PDPN: variants seen among roughly 807,000 people sequenced by gnomAD.
PDPN encodes podoplanin.
Under a neutral mutation model 23.2 loss-of-function variants are expected in PDPN, and 12 were observed. The observed-to-expected ratio is 0.52, with a 90% CI of 0.33 to 0.84. The LOEUF (loss-of-function observed/expected upper bound fraction) is 0.84, where lower values mean the gene tolerates loss of function less well. PDPN is among the 40% of genes least tolerant of loss of function. PDPN has a pLI of 0.02. For missense variants in PDPN, 199 were observed against 212.2 expected (o/e 0.94, Z 0.39); for synonymous variants, 77 against 76.7 (o/e 1.00, Z -0.02).
chr1:13,592,855 G>A (rs1199304570), intron 1 of PDPN, among the ~76,000 whole-genome samples: 1 of 152,086 alleles, frequency 6.6e-6, no homozygotes, highest in Non-Finnish European at 1.5e-5. Flanking sequence ...TGGCCAAAAA[G>A]ATGATTCTTT....
At chr1:13,603,070 GGAGA>G (rs931922850) in intron 1 of PDPN, among the ~76,000 whole-genome samples, 1 of 150,444 alleles carries the variant, frequency 6.6e-6, no homozygotes, top group African/African-American at 2.4e-5. Context: ...TAAATACAAA[GGAGA>G]GAGAGAGAAA....
intron 1 of PDPN, among the ~76,000 whole-genome samples, chr1:13,590,081 G>A (rs1640298759): frequency 6.6e-6 from 1 of 152,204 alleles, no homozygotes; most frequent in Non-Finnish European, 1.5e-5. Context: ...ACCCGCCTCA[G>A]CCCTCCCAAG....
At chr1:13,587,558 G>C (rs1437558930) in intron 1 of PDPN, among the ~76,000 whole-genome samples, 1 of 152,166 alleles carries the variant, frequency 6.6e-6, no homozygotes, top group East Asian at 1.9e-4. Flanking sequence ...ATCAGATGCT[G>C]TAGGGCTTTT....
intron 1 of PDPN, among the ~76,000 whole-genome samples, chr1:13,595,020 A>AG (rs1423032666): frequency 2.0e-5 from 3 of 151,834 alleles, no homozygotes; most frequent in Non-Finnish European, 4.4e-5. Flanking sequence ...AAAGAAAGAA[A>AG]AAAAAAACGA....
At chr1:13,615,135 C>G (rs200968538) in intron 5 of PDPN, among the ~76,000 whole-genome samples, 3 of 152,178 alleles carry the variant, frequency 2.0e-5, no homozygotes, top group Admixed American at 6.5e-5. Context: ...TGAGATCTTC[C>G]GCTCTTGCCC....
chr1:13,611,594 C>T (rs1173361377), intron 3 of PDPN, among the ~76,000 whole-genome samples: 1 of 152,086 alleles, frequency 6.6e-6, no homozygotes, highest in Non-Finnish European at 1.5e-5. Context: ...TGAGGAGTTA[C>T]TGTTTAGTGG....
At chr1:13,595,679 C>A (rs1435403278) in intron 1 of PDPN, 2 of 416,926 alleles carry the variant, frequency 4.8e-6, no homozygotes, top group Admixed American at 5.2e-5. Flanking sequence ...GGTCTCATCT[C>A]GTCATTGGTC....
chr1:13,613,757 A>ACT (rs751410245), intron 4 of PDPN, 32 bp downstream of exon 4: 1 of 1,297,664 alleles, frequency 7.7e-7, no homozygotes, highest in African/African-American at 1.5e-5. Context: ...AAATACTCTT[A>ACT]CTGGGGTTTT....
chr1:13,585,852 A>G (rs774278637), intron 1 of PDPN, among the ~76,000 whole-genome samples: 5 of 152,138 alleles, frequency 3.3e-5, no homozygotes, highest in Admixed American at 6.5e-5. Context: ...GAGCGAAGCT[A>G]TTGTGGGCTT....
rs984218541 is a variant in PDPN at position 13,614,154 on chromosome 1, T to A, written c.371-146T>A. On this transcript the variant is annotated intron_variant, in intron 4 of 5. Coordinates refer to ENST00000621990, the MANE Select transcript of PDPN (RefSeq NM_006474.5). ...ATTAGACTAGCCCAAATTTTCTCCTTTTGGAAGAAATGCTCCATGCTCAAA... is the reference window on the plus strand; with the variant it reads ...ATTAGACTAGCCCAAATTTTCTCCTATTGGAAGAAATGCTCCATGCTCAAA... 5 of 584,518 alleles carry A rather than the reference T, an allele frequency of 8.6e-6. No individual in the cohort carries two copies. In the African/African-American group the frequency reaches 9.4e-5, roughly 11 times the overall value. 36.2% of individuals were successfully genotyped at this position (584,518 alleles called of 1,614,324 possible).
At position 13,594,994 on chromosome 1, in the gene PDPN, C is replaced by CAA. The variant is rs1382399608; in HGVS notation, c.67+10907_67+10908dup. 1.1e-4 allele frequency among the ~76,000 whole-genome samples: 9 copies of CAA among 80,180 alleles called. 1 individual carries two copies. The highest frequency in any genetic ancestry group is 3.4e-4 in the African/African-American group (7 of 20,820). The allele number at this position is 80,180 out of a possible 152,430, so 52.6% of individuals were successfully genotyped here. ...TGGGCGACAGAGCGAGACTCCTTCT[C>CAA]AAAAAAAAAAAAAAGAAAGAAAGAA... On this transcript the variant is annotated intron_variant, in intron 1 of 5. Transcript: ENST00000621990.
chr1:13,584,302 G>A (rs1005193795), intron 1 of PDPN: 4 of 1,515,238 alleles, frequency 2.6e-6, no homozygotes, highest in South Asian at 1.2e-5. Context: ...GCAGCTGCGC[G>A]GGTGTGCCGG....
intron 1 of PDPN, among the ~76,000 whole-genome samples, chr1:13,597,589 G>T (rs897177869): frequency 6.6e-6 from 1 of 152,208 alleles, no homozygotes; most frequent in African/African-American, 2.4e-5. Context: ...TAAATTTTAT[G>T]TAGAGGACTT....
intron 2 of PDPN, among the ~76,000 whole-genome samples, chr1:13,609,034 A>G (rs1490731519): frequency 6.6e-6 from 1 of 152,176 alleles, no homozygotes; most frequent in Non-Finnish European, 1.5e-5. Flanking sequence ...TGGCCCGCCC[A>G]CTGTGTTTGT....
At chr1:13,606,700 A>G (rs1373035005) in intron 1 of PDPN, among the ~76,000 whole-genome samples, 1 of 152,142 alleles carries the variant, frequency 6.6e-6, no homozygotes, top group Non-Finnish European at 1.5e-5. Flanking sequence ...GGTAGAGAAA[A>G]AAATAAAAAA....
intron 2 of PDPN, among the ~76,000 whole-genome samples, chr1:13,607,585 T>C (rs1640823711): frequency 6.6e-6 from 1 of 152,158 alleles, no homozygotes; most frequent in Admixed American, 6.5e-5. Flanking sequence ...AAGTCGCAGT[T>C]TCCAAGAATC....
chr1:13,598,822 C>T lies in PDPN; in HGVS notation c.68-8351C>T, dbSNP rs4661743. Among the ~76,000 whole-genome samples the T allele has an allele frequency of 5.9e-3, 893 of 152,192 alleles. 30 individuals carry two copies. Among genetic ancestry groups the T allele is most frequent in the Admixed American group, 0.037 (569 of 15,268 alleles). On this transcript the variant is annotated intron_variant, in intron 1 of 5. Transcript: ENST00000621990. ...CACTCAACAGCTACTTACCGAGTGC[C>T]TGGTATGTGCCAGGGATTTCAGACA... is the stretch of plus-strand genomic sequence containing the variant.
chr1:13,603,757 T>A (rs1051717038), intron 1 of PDPN, among the ~76,000 whole-genome samples: 2 of 151,934 alleles, frequency 1.3e-5, no homozygotes, highest in African/African-American at 4.8e-5. Flanking sequence ...CCAGGCTAAT[T>A]TTTGTATTTT....
At chr1:13,610,333 T>C (rs1160003364) in intron 2 of PDPN, 54 bp from the exon 3 acceptor site, 1 of 1,532,610 alleles carries the variant, frequency 6.5e-7, no homozygotes, top group Non-Finnish European at 9.0e-7. Flanking sequence ...AGGGGATATA[T>C]TTTAAAGACA....
Sources: allele counts gnomAD v4.1 joint callset (sites outside exome capture counted in the v4.1 genomes callset), GRCh38; gene constraint gnomAD v4.1.1; transcripts MANE v1.5; gene names NCBI Gene and HGNC (gene_info 2026-07-23, HGNC 2026-07-21).